The following GNPTAB variants were observed in gnomAD, a reference collection of about 807,000 sequenced individuals.
The protein encoded by GNPTAB is N-acetylglucosamine-1-phosphate transferase subunits alpha and beta.
In GNPTAB, 92 loss-of-function variants were observed where a neutral mutation model predicts 136.6. That is an observed-to-expected ratio of 0.67 (90% confidence interval 0.57 to 0.80). The LOEUF (loss-of-function observed/expected upper bound fraction) is 0.80. Among genes scored for constraint, GNPTAB ranks in the 30% least tolerant of loss-of-function variants. GNPTAB has a pLI of 0.00. For missense variants in GNPTAB, 1,343 were observed against 1,501.8 expected, an observed-to-expected ratio of 0.89 and a Z score of 1.75; for synonymous variants, 512 against 535.1, an observed-to-expected ratio of 0.96 and a Z score of 0.60.
chr12:101,814,728 T>G (rs904607090), intron 1 of GNPTAB, among the ~76,000 whole-genome samples: 2 of 152,054 alleles, frequency 1.3e-5, no homozygotes, highest in African/African-American at 2.4e-5. Context: ...TAAAAATAAA[T>G]AAAGCCATTA....
chr12:101,785,506 C>T (rs1868591162), intron 5 of GNPTAB: 1 of 155,074 alleles, frequency 6.4e-6, no homozygotes, highest in Admixed American at 6.4e-5. Flanking sequence ...GCATGAGCCA[C>T]TATGCCCAGC....
At chr12:101,752,286 A>G (rs1260204732) in intron 19 of GNPTAB, among the ~76,000 whole-genome samples, 1 of 152,116 alleles carries the variant, frequency 6.6e-6, no homozygotes, top group African/African-American at 2.4e-5. Context: ...TTAGCTGGGC[A>G]TGGTGGCATA....
intron 1 of GNPTAB, among the ~76,000 whole-genome samples, chr12:101,810,999 AG>A (rs1348930758): frequency 2.0e-5 from 3 of 152,238 alleles, no homozygotes; most frequent in Non-Finnish European, 2.9e-5. Context: ...ACACCTCAGA[AG>A]GGTTTGCGAG....
chr12:101,797,571 C>G (rs964271019), intron 1 of GNPTAB, among the ~76,000 whole-genome samples: 1 of 152,142 alleles, frequency 6.6e-6, no homozygotes, highest in Non-Finnish European at 1.5e-5. Context: ...TTGCAGTGAG[C>G]CAAGATCGCG....
chr12:101,759,622 C>T (rs1392121000), intron 16 of GNPTAB, among the ~76,000 whole-genome samples: 2 of 152,112 alleles, frequency 1.3e-5, no homozygotes, highest in Non-Finnish European at 2.9e-5. Context: ...GTGTTAATCA[C>T]CCACTGCCCC....
chr12:101,770,700 G>A (rs900766778), intron 8 of GNPTAB, 115 bp from the exon 9 acceptor site: 1 of 783,784 alleles, frequency 1.3e-6, no homozygotes, highest in African/African-American at 1.7e-5. Context: ...GACTTTTAAA[G>A]ATGGAGTCCT....
intron 1 of GNPTAB, among the ~76,000 whole-genome samples, chr12:101,821,825 A>G (rs1322583640): frequency 6.6e-6 from 1 of 152,162 alleles, no homozygotes; most frequent in African/African-American, 2.4e-5. Flanking sequence ...CTCTGAGGAC[A>G]AGAGAGAAGT....
At chr12:101,765,677 T>C in intron 12 of GNPTAB, 2 of 348,362 alleles carry the variant, frequency 5.7e-6, no homozygotes, top group Admixed American at 4.5e-5. Context: ...TAACAATAAA[T>C]TACAATAATC....
chr12:101,803,737 GA>G (rs1869777064), intron 1 of GNPTAB, among the ~76,000 whole-genome samples: 1 of 152,208 alleles, frequency 6.6e-6, no homozygotes, highest in African/African-American at 2.4e-5. Context: ...TTATTTGCAT[GA>G]AATGATGTAG....
At chr12:101,750,335 C>G (rs977935420) in intron 19 of GNPTAB, among the ~76,000 whole-genome samples, 1 of 152,206 alleles carries the variant, frequency 6.6e-6, no homozygotes, top group Non-Finnish European at 1.5e-5. Context: ...AAACGGCACT[C>G]GCCCACACAC....
chr12:101,770,601 G>C lies in GNPTAB; in HGVS notation c.934-16C>G. 1 of 1,594,316 alleles carries C rather than the reference G, an allele frequency of 6.3e-7. No individual in the cohort carries two copies. Among genetic ancestry groups the C allele is most frequent in the South Asian group, 1.1e-5 (1 of 90,412 alleles). On this transcript the variant is annotated splice_polypyrimidine_tract_variant and intron_variant, in intron 8 of 20. Transcript: ENST00000299314. ...CCTGCTTAGACTGAGAAAAACACTT[G>C]GCATATGAAGATGTGAAATACCCCT... is the stretch of plus-strand genomic sequence containing the variant.
intron 13 of GNPTAB, among the ~76,000 whole-genome samples, chr12:101,763,944 C>A (rs1200138866): frequency 4.6e-5 from 7 of 152,176 alleles, no homozygotes; most frequent in Admixed American, 1.3e-4. Flanking sequence ...CCAAGTACGC[C>A]CCTGGCTAAA....
chr12:101,764,736 T>C lies in GNPTAB; in HGVS notation c.2181A>G (p.Gly727=), dbSNP rs1594214089. ...QLEHGDITLK[G]YNLSKSALLR... is the part of the protein sequence containing the mutation. ...GCAAGGCTGACTTGGACAAATTGTA[T>C]CCTTTCAAAGTGATGTCTCCATGTT... Residue 727 remains glycine, a synonymous_variant, in exon 13 of 21, where the codon GGA becomes GGG. Coordinates refer to ENST00000299314, the MANE Select transcript of GNPTAB (RefSeq NM_024312.5). 1 of 1,613,682 alleles carries C rather than the reference T, an allele frequency of 6.2e-7. No individual in the cohort carries two copies.
intron 1 of GNPTAB, among the ~76,000 whole-genome samples, chr12:101,828,986 A>G (rs1022859433): frequency 6.6e-6 from 1 of 152,190 alleles, no homozygotes; most frequent in Non-Finnish European, 1.5e-5. Context: ...CTAATCATGC[A>G]GCTCCTCTTT....
intron 1 of GNPTAB, among the ~76,000 whole-genome samples, chr12:101,804,822 C>A (rs1869849176): frequency 6.6e-6 from 1 of 152,212 alleles, no homozygotes. Context: ...TGGACCTAAG[C>A]TCCAGTTTTG....
chr12:101,748,706 G>C (rs1952771873), intron 20 of GNPTAB, among the ~76,000 whole-genome samples: 1 of 152,126 alleles, frequency 6.6e-6, no homozygotes, highest in Admixed American at 6.5e-5. Context: ...CGGAACCGTG[G>C]GATGTCTGAA....
rs902528710 is a variant in GNPTAB, at chr12:101,811,934, G to A, written c.118-15172C>T. On this transcript the variant is annotated intron_variant, in intron 1 of 20. Transcript: ENST00000299314. ...GATTACAGGCTGAGCCGCTGCGTCC[G>A]GCCGGTGCTACACACTTTTAAACAA... Among the ~76,000 whole-genome samples the A allele has an allele frequency of 1.7e-4, 26 of 150,410 alleles. No homozygotes were observed. The East Asian group carries it at 4.0e-3, about 23-fold the overall frequency.
chr12:101,788,865 G>A (rs1868822298), intron 3 of GNPTAB, among the ~76,000 whole-genome samples: 3 of 152,198 alleles, frequency 2.0e-5, no homozygotes, highest in African/African-American at 4.8e-5. Context: ...TACTCCTAAC[G>A]AATCAAAGGG....
chr12:101,778,520 A>G (rs1351957208), intron 7 of GNPTAB: 2 of 152,238 alleles, frequency 1.3e-5, no homozygotes, highest in Non-Finnish European at 1.5e-5. Flanking sequence ...CAGAGGAAGG[A>G]GAGATGTATT....
Sources: gnomAD v4.1 joint callset for allele counts (sites outside exome capture counted in the v4.1 genomes callset) on GRCh38, gnomAD v4.1.1 for gene constraint, MANE v1.5 for transcripts, NCBI Gene and HGNC (gene_info 2026-07-23, HGNC 2026-07-21) for gene names.